Variants in CTNNA3 observed in about 807,000 individuals in gnomAD.
The protein encoded by CTNNA3 is catenin alpha-3.
In CTNNA3, 76 loss-of-function variants were observed where a neutral mutation model predicts 95.7. The ratio of observed to expected loss-of-function variants is 0.79; its 90% CI spans 0.66 to 0.96. CTNNA3 has a LOEUF of 0.96. Ranked by LOEUF, CTNNA3 falls within the 40% of genes least tolerant of loss-of-function variation. The probability of loss-of-function intolerance (pLI) is 0.00; values close to 1 mark genes in which losing one functional copy is unlikely to be tolerated. For synonymous variants in CTNNA3, 431 were observed against 374.4 expected, an observed-to-expected ratio of 1.15 and a Z score of -1.74; for missense variants, 1,191 against 1,089.8, an observed-to-expected ratio of 1.09 and a Z score of -1.31.
chr10:67,149,825 G>A (rs80145380), intron 7 of CTNNA3, among the ~76,000 whole-genome samples: 10,600 of 152,214 alleles, frequency 0.07, 474 homozygotes, highest in African/African-American at 0.13. Flanking sequence ...AACTCTCTTA[G>A]TCCAATTTGA....
intron 11 of CTNNA3, among the ~76,000 whole-genome samples, chr10:66,446,961 A>C (rs1396441219): frequency 6.6e-6 from 1 of 151,574 alleles, no homozygotes; most frequent in African/African-American, 2.4e-5. Context: ...TAAGCTGATA[A>C]GCAACTTCAG....
chr10:66,937,914 A>T (rs1847798534), intron 7 of CTNNA3, among the ~76,000 whole-genome samples: 2 of 151,920 alleles, frequency 1.3e-5, no homozygotes, highest in Admixed American at 6.6e-5. Flanking sequence ...TCTCCCAGAG[A>T]CTGCATCACA....
intron 5 of CTNNA3, among the ~76,000 whole-genome samples, chr10:67,357,689 T>C (rs1438340553): frequency 6.6e-6 from 1 of 152,066 alleles, no homozygotes; most frequent in East Asian, 1.9e-4. Flanking sequence ...TCTTTTATTT[T>C]TGAACAAAGT....
intron 6 of CTNNA3, among the ~76,000 whole-genome samples, chr10:67,196,734 T>C (rs1347311735): frequency 6.6e-6 from 1 of 152,080 alleles, no homozygotes; most frequent in Non-Finnish European, 1.5e-5. Context: ...TTTGAAGGAT[T>C]CTCCTACTTT....
intron 9 of CTNNA3, among the ~76,000 whole-genome samples, chr10:66,680,908 G>A (rs12763295): frequency 2.6e-5 from 4 of 152,130 alleles, no homozygotes; most frequent in African/African-American, 7.2e-5. Context: ...AAGCTAAAAA[G>A]GTAGACAGGA....
In CTNNA3 at chr10:67,740,127, C is replaced by G. The variant is rs1337767147; in HGVS notation, c.-2+23307G>C. Among the ~76,000 whole-genome samples the G allele has an allele frequency of 9.9e-5, 15 of 152,244 alleles. No individual in the cohort carries two copies. In the East Asian group the frequency reaches 2.7e-3, roughly 27 times the overall value. On this transcript the variant is annotated intron_variant, in intron 1 of 17. Coordinates refer to the CTNNA3 transcript ENST00000684154. ...CATATGTAGAAAGTTGAAACTGGAT[C>G]CCTTCCTTACACCTTATACAAAAAT...
chr10:67,404,588 T>A (rs1444622917), intron 5 of CTNNA3, among the ~76,000 whole-genome samples: 3 of 151,972 alleles, frequency 2.0e-5, no homozygotes, highest in Non-Finnish European at 4.4e-5. Flanking sequence ...CTGATTGGGG[T>A]ACCTGAAAAA....
In CTNNA3 at chr10:66,158,923, G is replaced by A. The variant is rs2084693837; in HGVS notation, c.1885-55674C>T. ...TTATTTTTATTTTTTTGCAGCTACT[G>A]TAAAAGGGGTTGAGTTCTTGATTTG... On this transcript the variant is annotated intron_variant, in intron 13 of 17. Coordinates refer to ENST00000433211, the MANE Select transcript of CTNNA3 (RefSeq NM_013266.4). Among the ~76,000 whole-genome samples the A allele has an allele frequency of 4.6e-5, 7 of 151,914 alleles. No individual in the cohort carries two copies. The South Asian group carries it at 1.5e-3, about 32-fold the overall frequency.
chr10:67,357,972 A>G (rs1205359975), intron 5 of CTNNA3, among the ~76,000 whole-genome samples: 3 of 152,160 alleles, frequency 2.0e-5, no homozygotes, highest in African/African-American at 7.2e-5. Flanking sequence ...CAGAGTCCAG[A>G]AATAAACCTG....
intron 2 of CTNNA3, among the ~76,000 whole-genome samples, chr10:67,618,725 G>C (rs1332683042): frequency 1.3e-5 from 2 of 152,166 alleles, no homozygotes; most frequent in East Asian, 1.9e-4. Flanking sequence ...AGATTTTATA[G>C]CAACCAAAAT....
chr10:66,898,427 AC>A (rs1335679540), intron 7 of CTNNA3, among the ~76,000 whole-genome samples: 2 of 152,188 alleles, frequency 1.3e-5, no homozygotes, highest in African/African-American at 4.8e-5. Context: ...ATATTTCCTG[AC>A]TTCAAAATAT....
At chr10:67,015,370 G>C (rs1410935979) in intron 7 of CTNNA3, 1 of 152,116 alleles carries the variant, frequency 6.6e-6, no homozygotes, top group Non-Finnish European at 1.5e-5. Context: ...GTTTAAAGAA[G>C]AGCTCCAGGG....
intron 5 of CTNNA3, among the ~76,000 whole-genome samples, chr10:67,303,794 C>T (rs191031124): frequency 1.5e-3 from 223 of 152,148 alleles, no homozygotes; most frequent in Admixed American, 3.1e-3. Flanking sequence ...ATTTAAGTCT[C>T]TCCTTGTTTC....
At chr10:67,537,979 A>AGAT (rs1021673487) in intron 4 of CTNNA3, among the ~76,000 whole-genome samples, 5 of 151,926 alleles carry the variant, frequency 3.3e-5, no homozygotes, top group African/African-American at 1.2e-4. Context: ...TAAAAAAAAA[A>AGAT]GATTGAATTG....
At chr10:66,300,093 C>T (rs1250008764) in intron 12 of CTNNA3, among the ~76,000 whole-genome samples, 1 of 151,896 alleles carries the variant, frequency 6.6e-6, no homozygotes, top group African/African-American at 2.4e-5. Context: ...GGGTTTTCAC[C>T]ATGTTGGCCA....
chr10:65,930,610 ATAG>A (rs923134777), intron 17 of CTNNA3, among the ~76,000 whole-genome samples: 3 of 152,292 alleles, frequency 2.0e-5, no homozygotes, highest in Admixed American at 6.5e-5. Flanking sequence ...TTAAAATCTC[ATAG>A]TAGTTAATTT....
At chr10:67,286,951 A>G (rs147859560) in intron 5 of CTNNA3, among the ~76,000 whole-genome samples, 98 of 152,292 alleles carry the variant, frequency 6.4e-4, no homozygotes, top group African/African-American at 1.9e-3. Context: ...GCAAACCTGG[A>G]CAGATTCTTG....
At chr10:67,453,320 A>G (rs1259735782) in intron 5 of CTNNA3, among the ~76,000 whole-genome samples, 2 of 152,256 alleles carry the variant, frequency 1.3e-5, no homozygotes, top group Non-Finnish European at 2.9e-5. Context: ...AACATGGGTT[A>G]TATAAAGAAT....
intron 13 of CTNNA3, among the ~76,000 whole-genome samples, chr10:66,177,496 A>C (rs926671839): frequency 1.3e-5 from 2 of 152,020 alleles, no homozygotes; most frequent in African/African-American, 4.8e-5. Context: ...TTTTGAAAAA[A>C]AAGAGACCAA....
Sources: allele counts gnomAD v4.1 joint callset (sites outside exome capture counted in the v4.1 genomes callset), GRCh38; gene constraint gnomAD v4.1.1; transcripts MANE v1.5; gene names NCBI Gene and HGNC (gene_info 2026-07-23, HGNC 2026-07-21).